Variants in TDRD7 observed in about 807,000 individuals in gnomAD.
TDRD7 encodes the protein tudor domain containing 7.
TDRD7 carries 47 observed loss-of-function variants against 109.8 expected under a neutral mutation model. That is an observed-to-expected ratio of 0.43 (90% CI 0.34 to 0.55). TDRD7 has a LOEUF of 0.55. Among genes scored for constraint, TDRD7 ranks in the 20% least tolerant of loss-of-function variants. The pLI is 0.03. For missense variants in TDRD7, 1,164 were observed against 1,319.2 expected (o/e 0.88, Z 1.82); for synonymous variants, 424 against 457.3 (o/e 0.93, Z 0.93).
chr9:97,453,547 G>A (rs1249614079), intron 6 of TDRD7, among the ~76,000 whole-genome samples: 2 of 151,514 alleles, frequency 1.3e-5, no homozygotes, highest in African/African-American at 2.4e-5. Context: ...AGTATGGTAC[G>A]GCAGCCCACC....
chr9:97,439,409 C>G (rs1437052129), intron 5 of TDRD7, 91 bp downstream of exon 5: 2 of 1,052,846 alleles, frequency 1.9e-6, no homozygotes, highest in East Asian at 2.4e-5. Context: ...CTCTCACCTT[C>G]TCCTGTTTGG....
At chr9:97,416,400 A>G (rs1339804285) in intron 1 of TDRD7, among the ~76,000 whole-genome samples, 22 of 152,330 alleles carry the variant, frequency 1.4e-4, no homozygotes, top group Admixed American at 1.4e-3. Flanking sequence ...ACATATAACT[A>G]CCAAAAGCTG....
intron 15 of TDRD7, among the ~76,000 whole-genome samples, chr9:97,486,532 T>C (rs926944506): frequency 5.9e-5 from 9 of 152,284 alleles, no homozygotes; most frequent in African/African-American, 2.2e-4. Context: ...TGTTCTTTTT[T>C]TAATGACCTT....
chr9:97,452,474 TAAAA>T (rs1038590113), intron 6 of TDRD7, among the ~76,000 whole-genome samples: 19 of 152,268 alleles, frequency 1.2e-4, no homozygotes, highest in African/African-American at 4.6e-4. Context: ...TGTTTTGAGA[TAAAA>T]GAATAAACCA....
intron 6 of TDRD7, among the ~76,000 whole-genome samples, chr9:97,442,604 C>T (rs74685973): frequency 0.071 from 10,851 of 152,172 alleles, 598 homozygotes; most frequent in African/African-American, 0.16. Context: ...ATATTTAAAA[C>T]ATAACTTTTA....
chr9:97,476,191 A>G (rs1829015052), intron 12 of TDRD7, among the ~76,000 whole-genome samples: 1 of 152,140 alleles, frequency 6.6e-6, no homozygotes, highest in Non-Finnish European at 1.5e-5. Context: ...CTGTGGCTTC[A>G]TGGGGCAGTG....
chr9:97,455,091 T>G (rs565045346), intron 6 of TDRD7, among the ~76,000 whole-genome samples: 128 of 152,166 alleles, frequency 8.4e-4, no homozygotes, highest in Non-Finnish European at 1.7e-3. Flanking sequence ...ATGAATAAAT[T>G]CCTGGATGCA....
At chr9:97,476,148 T>C (rs1829014499) in intron 12 of TDRD7, among the ~76,000 whole-genome samples, 1 of 152,206 alleles carries the variant, frequency 6.6e-6, no homozygotes, top group Admixed American at 6.5e-5. Flanking sequence ...CTCTCCAAAG[T>C]TGCCTTCCAT....
At chr9:97,470,067 A>T (rs1370427617) in intron 8 of TDRD7, among the ~76,000 whole-genome samples, 1 of 152,242 alleles carries the variant, frequency 6.6e-6, no homozygotes, top group Non-Finnish European at 1.5e-5. Context: ...GAGAATAGCC[A>T]TCACAAATGC....
chr9:97,478,768 T>A (rs886199685), intron 13 of TDRD7, 195 bp downstream of exon 13: 27 of 694,162 alleles, frequency 3.9e-5, no homozygotes, highest in Non-Finnish European at 6.6e-5. Flanking sequence ...ATTTACATAC[T>A]GTTGTTTGAG....
chr9:97,446,004 T>C (rs1346732069), intron 6 of TDRD7, among the ~76,000 whole-genome samples: 1 of 152,114 alleles, frequency 6.6e-6, no homozygotes, highest in African/African-American at 2.4e-5. Flanking sequence ...TGGTGATGCA[T>C]GCTTGTAGTT....
intron 9 of TDRD7, among the ~76,000 whole-genome samples, chr9:97,472,065 T>G (rs1179713807): frequency 6.6e-6 from 1 of 152,152 alleles, no homozygotes. Context: ...TCTCTGCTTG[T>G]TTTAAGATTG....
Position 97,432,518 on chromosome 9 carries a change from C to G in TDRD7, c.563+280C>G, listed in dbSNP as rs558854481. 9.9e-5 allele frequency among the ~76,000 whole-genome samples: 15 copies of G among 152,274 alleles called. 1 individual carries two copies. The highest frequency in any genetic ancestry group is 3.6e-4 in the African/African-American group (15 of 41,568). On this transcript the variant is annotated intron_variant, in intron 4 of 16. Coordinates refer to ENST00000355295, the MANE Select transcript of TDRD7 (RefSeq NM_014290.3). ...GATACTGTTTCAGTATAACTTATAACTTTTTCAGAAAACCTTTTTTTAACG... is the reference window on the plus strand; with the variant it reads ...GATACTGTTTCAGTATAACTTATAAGTTTTTCAGAAAACCTTTTTTTAACG...
chr9:97,437,991 A>C (rs1407063340), intron 4 of TDRD7, among the ~76,000 whole-genome samples: 1 of 152,108 alleles, frequency 6.6e-6, no homozygotes, highest in Non-Finnish European at 1.5e-5. Flanking sequence ...TTGATGACTG[A>C]ACCATAACAG....
chr9:97,477,853 A>G (rs575388157), intron 12 of TDRD7, among the ~76,000 whole-genome samples: 1 of 152,290 alleles, frequency 6.6e-6, no homozygotes, highest in South Asian at 2.1e-4. Flanking sequence ...ATAATAAATC[A>G]CGTCCTAGAA....
In TDRD7 at chr9:97,460,211, C is replaced by T; in HGVS notation, c.889C>T (p.Leu297Phe). 1.2e-6 allele frequency: 2 copies of T among 1,614,190 alleles called. No individual in the cohort carries two copies. Among genetic ancestry groups the T allele is most frequent in the Non-Finnish European group, 1.7e-6 (2 of 1,180,030 alleles). The change falls in exon 7 of 17, where the codon CTT becomes TTT. Residue 297 changes from leucine to phenylalanine, a missense_variant. By Grantham distance (22) the Leu-to-Phe change is conservative. Transcript: ENST00000355295. ...ACCTTGCAGTGGTGGCCAAGATTTA[C>T]TTCTTTATCCAGCTAAGAGAAAGCA... is the stretch of plus-strand genomic sequence containing the variant. ...EKPCSGGQDL[L>F]LYPAKRKQLL... is the part of the protein sequence containing the mutation.
chr9:97,445,430 G>A (rs1828383734), intron 6 of TDRD7, among the ~76,000 whole-genome samples: 1 of 152,162 alleles, frequency 6.6e-6, no homozygotes, highest in Admixed American at 6.5e-5. Context: ...AACAAATAAT[G>A]ATAAGCCTGC....
intron 12 of TDRD7, among the ~76,000 whole-genome samples, chr9:97,476,601 A>G (rs113095600): frequency 7.9e-5 from 12 of 151,818 alleles, no homozygotes; most frequent in African/African-American, 2.6e-4. Flanking sequence ...AAATTAAGAA[A>G]AAAACATTGG....
chr9:97,414,652 G>A (rs189532291), intron 1 of TDRD7, among the ~76,000 whole-genome samples: 4 of 152,138 alleles, frequency 2.6e-5, no homozygotes, highest in Non-Finnish European at 5.9e-5. Context: ...GTGGTATGCA[G>A]TTAAAATGCA....
Sources: gnomAD v4.1 joint callset for allele counts (sites outside exome capture counted in the v4.1 genomes callset) on GRCh38, gnomAD v4.1.1 for gene constraint, MANE v1.5 for transcripts, NCBI Gene and HGNC (gene_info 2026-07-23, HGNC 2026-07-21) for gene names.